The following PPP4R3B variants were observed in gnomAD, a reference collection of about 807,000 sequenced individuals.
PPP4R3B encodes protein phosphatase 4 regulatory subunit 3B.
In PPP4R3B, 52 loss-of-function variants were observed where a neutral mutation model predicts 95.4. That is an observed-to-expected ratio of 0.54 (90% CI 0.44 to 0.69). PPP4R3B has a LOEUF of 0.69. Ranked by LOEUF, PPP4R3B falls within the 30% of genes least tolerant of loss-of-function variation. PPP4R3B has a pLI of 0.00. For missense variants in PPP4R3B, 1,003 were observed against 1,005.9 expected (o/e 1.00, Z 0.04); for synonymous variants, 407 against 343.9 (o/e 1.18, Z -2.03).
chr2:55,598,811 A>G lies in PPP4R3B; in HGVS notation c.526T>C (p.Leu176=), dbSNP rs781750124. The change falls in exon 4 of 17, where the codon TTG becomes CTG. Residue 176 remains leucine (L), a synonymous_variant. Transcript: ENST00000616407. The part of the protein sequence containing the change: ...LENEGYIKKL[L]QLFQACENLE... Reference sequence around the variant, plus strand: ...TTCTCGCAAGCTTGGAACAGCTGCAATAGTTTTTTAATATAGCCTTCATTT... The same window carrying G: ...TTCTCGCAAGCTTGGAACAGCTGCAGTAGTTTTTTAATATAGCCTTCATTT... 1 of 1,614,210 alleles carries G rather than the reference A, an allele frequency of 6.2e-7. No homozygotes were observed. The highest frequency in any genetic ancestry group is 8.5e-7 in the Non-Finnish European group (1 of 1,180,036).
chr2:55,565,498 T>C (rs1687174727), intron 13 of PPP4R3B, among the ~76,000 whole-genome samples: 1 of 152,084 alleles, frequency 6.6e-6, no homozygotes, highest in African/African-American at 2.4e-5. Flanking sequence ...AGGGCAGATG[T>C]TAAAATTACA....
intron 15 of PPP4R3B, among the ~76,000 whole-genome samples, chr2:55,561,671 A>G (rs1686644994): frequency 6.6e-6 from 1 of 152,238 alleles, no homozygotes; most frequent in Non-Finnish European, 1.5e-5. Flanking sequence ...TGGAGCTTTA[A>G]GATTTAAAGA....
chr2:55,556,731 C>T (rs1468316462), intron 16 of PPP4R3B, among the ~76,000 whole-genome samples: 1 of 152,032 alleles, frequency 6.6e-6, no homozygotes, highest in Non-Finnish European at 1.5e-5. Flanking sequence ...TTAATCTTCC[C>T]AACAAGCTTA....
chr2:55,612,778 AC>A (rs1277151051), intron 2 of PPP4R3B, among the ~76,000 whole-genome samples: 2 of 151,934 alleles, frequency 1.3e-5, no homozygotes, highest in African/African-American at 2.4e-5. Context: ...CCCCATCTCT[AC>A]TAAAAAATAC....
At chr2:55,577,392 C>A (rs1470760687) in intron 10 of PPP4R3B, 36 bp from the exon 11 acceptor site, 16 of 1,400,366 alleles carry the variant, frequency 1.1e-5, no homozygotes, top group Non-Finnish European at 1.3e-5. Context: ...TAAAATACTT[C>A]AGTAATAATA....
intron 14 of PPP4R3B, 119 bp from the exon 15 acceptor site, chr2:55,564,616 T>C: frequency 3.4e-6 from 3 of 881,850 alleles, no homozygotes; most frequent in Non-Finnish European, 5.0e-6. Context: ...CTATAATTTA[T>C]ATCAAAATAA....
At chr2:55,594,361 T>C (rs2104402170) in intron 4 of PPP4R3B, among the ~76,000 whole-genome samples, 1 of 149,196 alleles carries the variant, frequency 6.7e-6, no homozygotes, top group South Asian at 2.1e-4. Flanking sequence ...AATTAAGTAG[T>C]AAATGTTATG....
At chr2:55,555,377 G>A (rs958909094) in intron 16 of PPP4R3B, among the ~76,000 whole-genome samples, 2 of 149,134 alleles carry the variant, frequency 1.3e-5, no homozygotes, top group Non-Finnish European at 3.0e-5. Flanking sequence ...TTTTTTTTAT[G>A]AAAGGAAATC....
At chr2:55,612,653 T>A (rs1261346802) in intron 2 of PPP4R3B, among the ~76,000 whole-genome samples, 2 of 151,980 alleles carry the variant, frequency 1.3e-5, no homozygotes, top group East Asian at 1.9e-4. Flanking sequence ...TTTAAAAAAT[T>A]AGTAAGGTTG....
At chr2:55,589,067 T>G in intron 4 of PPP4R3B, 111 bp from the exon 5 acceptor site, 1 of 660,974 alleles carries the variant, frequency 1.5e-6, no homozygotes, top group Non-Finnish European at 2.5e-6. Context: ...ATTTTCATCA[T>G]GAAACCTAAT....
chr2:55,574,885 C>T (rs1277197968), intron 11 of PPP4R3B, among the ~76,000 whole-genome samples: 11 of 150,924 alleles, frequency 7.3e-5, no homozygotes, highest in Non-Finnish European at 1.6e-4. Context: ...TAAGCCACTG[C>T]GCCCAGCCTG....
intron 7 of PPP4R3B, among the ~76,000 whole-genome samples, chr2:55,582,048 C>A (rs1056888421): frequency 1.3e-5 from 2 of 152,108 alleles, no homozygotes; most frequent in African/African-American, 2.4e-5. Context: ...CAGACTCAGG[C>A]GTAAATTTAG....
intron 16 of PPP4R3B, among the ~76,000 whole-genome samples, chr2:55,554,868 C>T (rs1276967781): frequency 2.0e-5 from 3 of 152,114 alleles, no homozygotes; most frequent in Non-Finnish European, 4.4e-5. Flanking sequence ...GAGTTTTAGA[C>T]TTTTAACTTT....
chr2:55,601,702 C>T (rs1312604007), intron 3 of PPP4R3B, among the ~76,000 whole-genome samples: 1 of 152,246 alleles, frequency 6.6e-6, no homozygotes, highest in South Asian at 2.1e-4. Flanking sequence ...TTAATGACTA[C>T]GTGGGATTCT....
At chr2:55,578,458 T>TA (rs967345019) in intron 9 of PPP4R3B, 116 bp from the exon 10 acceptor site, 5 of 1,023,548 alleles carry the variant, frequency 4.9e-6, no homozygotes, top group Admixed American at 8.6e-5. Context: ...AAAATGAACA[T>TA]AAAAAATGCA....
intron 9 of PPP4R3B, 123 bp from the exon 10 acceptor site, chr2:55,578,465 T>A (rs1323123350): frequency 1.0e-6 from 1 of 997,052 alleles, no homozygotes; most frequent in Non-Finnish European, 1.3e-6. Context: ...ACATAAAAAA[T>A]GCATTATTTT....
intron 2 of PPP4R3B, among the ~76,000 whole-genome samples, chr2:55,604,645 T>C (rs1293573245): frequency 2.0e-5 from 3 of 152,122 alleles, no homozygotes; most frequent in Non-Finnish European, 4.4e-5. Context: ...TACCTTAGCT[T>C]AGGGTGTAGA....
chr2:55,556,933 T>C (rs568683543), intron 16 of PPP4R3B, among the ~76,000 whole-genome samples: 5 of 152,142 alleles, frequency 3.3e-5, no homozygotes, highest in African/African-American at 7.2e-5. Flanking sequence ...CATAGTGGCA[T>C]GCGCCAGCAC....
At chr2:55,566,061 G>A (rs1261852920) in intron 13 of PPP4R3B, among the ~76,000 whole-genome samples, 1 of 151,890 alleles carries the variant, frequency 6.6e-6, no homozygotes, top group Non-Finnish European at 1.5e-5. Context: ...ATGCATGCAT[G>A]CCCAGTAGGC....
Sources: gnomAD v4.1 joint callset for allele counts (sites outside exome capture counted in the v4.1 genomes callset) on GRCh38, gnomAD v4.1.1 for gene constraint, MANE v1.5 for transcripts, NCBI Gene and HGNC (gene_info 2026-07-23, HGNC 2026-07-21) for gene names.